The following KSR1 variants were observed in gnomAD, a reference collection of about 807,000 sequenced individuals.
The protein encoded by KSR1 is kinase suppressor of ras 1, also known as kinase suppressor of ras.
A neutral mutation model predicts 92.9 loss-of-function variants in KSR1; 35 were observed. That is an observed-to-expected ratio of 0.38 (90% confidence interval 0.29 to 0.50). The LOEUF (loss-of-function observed/expected upper bound fraction) is 0.50. Ranked by LOEUF, KSR1 falls within the 20% of genes least tolerant of loss-of-function variation. The pLI, the probability that KSR1 is intolerant of heterozygous loss-of-function variation, is 0.94. For synonymous variants in KSR1, 467 were observed against 472.6 expected (o/e 0.99, Z 0.15); for missense variants, 972 against 1,158.5 (o/e 0.84, Z 2.34).
rs1483684625 is a variant in KSR1, at chr17:27,609,302, G to C, written c.2198G>C (p.Gly733Ala). The change falls in exon 16 of 21, where the codon GGG becomes GCG. Residue 733 changes from glycine to alanine, a missense_variant. Gly to Ala is a moderately conservative substitution (Grantham distance 60, BLOSUM62 0). Transcript: ENST00000644974. ...GTCATCACAGACTTCGGGCTGTTTG[G>C]GATCTCAGGCGTGGTCCGAGAGGGA... The part of the protein sequence containing the change: ...KVVITDFGLF[G>A]ISGVVREGRR... 6.2e-7 allele frequency: 1 copy of C among 1,613,978 alleles called. No homozygotes were observed. The highest frequency in any genetic ancestry group is 8.5e-7 in the Non-Finnish European group (1 of 1,179,880).
chr17:27,621,713 C>T (rs950993656), intron 20 of KSR1, among the ~76,000 whole-genome samples: 1 of 152,130 alleles, frequency 6.6e-6, no homozygotes, highest in Non-Finnish European at 1.5e-5. Flanking sequence ...CTGTGCCCTG[C>T]GGGAGCTTAG....
At chr17:27,621,873 G>A (rs369460074) in intron 20 of KSR1, 24 of 1,595,808 alleles carry the variant, frequency 1.5e-5, no homozygotes, top group Non-Finnish European at 1.9e-5. Flanking sequence ...GACAGGCTCT[G>A]CATTGGGGCT....
chr17:27,552,269 C>A (rs948250088), intron 2 of KSR1, among the ~76,000 whole-genome samples: 2 of 152,224 alleles, frequency 1.3e-5, no homozygotes, highest in East Asian at 3.8e-4. Context: ...GATGCGAGCA[C>A]CATGAGACAC....
At chr17:27,576,092 C>T (rs1329533602) in intron 2 of KSR1, among the ~76,000 whole-genome samples, 2 of 152,212 alleles carry the variant, frequency 1.3e-5, no homozygotes, top group African/African-American at 4.8e-5. Flanking sequence ...GAGGCCACCC[C>T]CATTCCCCTC....
At chr17:27,604,803 G>T (rs981393189) in intron 13 of KSR1, 75 bp downstream of exon 13, 6 of 1,469,226 alleles carry the variant, frequency 4.1e-6, no homozygotes, top group Non-Finnish European at 4.8e-6. Flanking sequence ...TGCGCAGGGG[G>T]CTTGAGGGTG....
chr17:27,528,025 G>A (rs1000597200), intron 1 of KSR1, among the ~76,000 whole-genome samples: 1 of 152,134 alleles, frequency 6.6e-6, no homozygotes, highest in African/African-American at 2.4e-5. Flanking sequence ...GACCTAATTA[G>A]TGTATCGAGT....
At chr17:27,473,695 T>C (rs2020148904) in intron 1 of KSR1, among the ~76,000 whole-genome samples, 1 of 152,122 alleles carries the variant, frequency 6.6e-6, no homozygotes, top group Non-Finnish European at 1.5e-5. Context: ...TGGTGGTACA[T>C]TTTAGGAGAA....
chr17:27,576,783 G>A (rs1360374923), intron 2 of KSR1, among the ~76,000 whole-genome samples: 1 of 152,318 alleles, frequency 6.6e-6, no homozygotes. Flanking sequence ...TTAGGCTATG[G>A]TTGGCTGCTG....
At chr17:27,489,641 G>A (rs1475394473) in intron 1 of KSR1, among the ~76,000 whole-genome samples, 2 of 152,180 alleles carry the variant, frequency 1.3e-5, no homozygotes, top group African/African-American at 2.4e-5. Context: ...GGGCAGTAGA[G>A]TGAAAGTCAG....
At chr17:27,550,519 G>T (rs748745376) in intron 1 of KSR1, 49 bp from the exon 2 acceptor site, 10 of 758,424 alleles carry the variant, frequency 1.3e-5, no homozygotes, top group African/African-American at 1.2e-4. Flanking sequence ...CCTGCCATAT[G>T]GTTGGGCTGC....
chr17:27,511,459 G>T (rs1665645757), intron 1 of KSR1, among the ~76,000 whole-genome samples: 1 of 152,196 alleles, frequency 6.6e-6, no homozygotes, highest in South Asian at 2.1e-4. Flanking sequence ...GGGAGGGGGA[G>T]CATTGTTGGT....
intron 18 of KSR1, 144 bp downstream of exon 18, chr17:27,611,773 G>A: frequency 2.1e-6 from 2 of 931,098 alleles, no homozygotes; most frequent in Non-Finnish European, 3.2e-6. Flanking sequence ...AGATGAAAAT[G>A]ATATGCATTG....
intron 2 of KSR1, chr17:27,560,381 A>G: frequency 9.6e-6 from 5 of 518,518 alleles, no homozygotes; most frequent in Non-Finnish European, 1.9e-5. Context: ...CTGGGATTCC[A>G]GGGTGAAAGC....
chr17:27,461,813 T>C (rs1160011825), intron 1 of KSR1, among the ~76,000 whole-genome samples: 4 of 110,354 alleles, frequency 3.6e-5, no homozygotes, highest in Non-Finnish European at 8.6e-5. Context: ...TGGAGTGGTC[T>C]GGGCTGCCTC....
intron 2 of KSR1, among the ~76,000 whole-genome samples, chr17:27,571,861 G>A (rs529676327): frequency 2.0e-5 from 3 of 152,354 alleles, no homozygotes; most frequent in East Asian, 1.9e-4. Context: ...CTGGCCACAG[G>A]GAGTGTGGCG....
In KSR1 at chr17:27,583,046, C is replaced by G; in HGVS notation, c.921C>G (p.Thr307=). 1.9e-6 allele frequency: 3 copies of G among 1,607,280 alleles called. No individual in the cohort carries two copies. The highest frequency in any genetic ancestry group is 2.5e-6 in the Non-Finnish European group (3 of 1,177,010). ...TGCTGCCCAGCTTCCCCACACTCACCCGGAGCAAGTCCCATGAGTCTCAGC... is the reference window on the plus strand; with the variant it reads ...TGCTGCCCAGCTTCCCCACACTCACGCGGAGCAAGTCCCATGAGTCTCAGC... ...FQLLPSFPTL[T]RSKSHESQLG... The change falls in exon 4 of 21, where the codon ACC becomes ACG. Residue 307 remains threonine (T), a synonymous_variant. Coordinates refer to ENST00000644974, the MANE Select transcript of KSR1 (RefSeq NM_001394583.1).
At position 27,583,080 on chromosome 17, in the gene KSR1, C is replaced by T. The variant is rs1300063585; in HGVS notation, c.955C>T (p.Arg319Cys). ...GTCCCATGAGTCTCAGCTGGGGAAC[C>T]GCATTGATGACGTCTCCTCGATGAG... is the stretch of plus-strand genomic sequence containing the variant. ...SKSHESQLGN[R>C]IDDVSSMRFD... The change falls in exon 4 of 21, where the codon CGC (arginine) becomes TGC (cysteine). Residue 319 changes from arginine (R) to cysteine (C), a missense_variant. Around this residue, in one of 5 missense-constraint regions of KSR1, gnomAD observed 611 missense variants for 668.0 expected, o/e 0.91. Transcript: ENST00000644974. The T allele has an allele frequency of 6.3e-6, 10 of 1,580,702 alleles. No individual in the cohort carries two copies. Among genetic ancestry groups the T allele is most frequent in the Middle Eastern group, 3.4e-4 (2 of 5,888 alleles).
At chr17:27,598,420 G>C (rs1301682410) in intron 10 of KSR1, among the ~76,000 whole-genome samples, 2 of 152,220 alleles carry the variant, frequency 1.3e-5, no homozygotes, top group South Asian at 4.1e-4. Context: ...GCCAGCAGGA[G>C]GCCAGGGAGC....
intron 1 of KSR1, among the ~76,000 whole-genome samples, chr17:27,466,878 C>G (rs1258372639): frequency 6.6e-6 from 1 of 152,184 alleles, no homozygotes; most frequent in East Asian, 1.9e-4. Flanking sequence ...CTGGTTCCAC[C>G]CCGTTTCATT....
Sources: allele counts gnomAD v4.1 joint callset (sites outside exome capture counted in the v4.1 genomes callset), GRCh38; gene constraint gnomAD v4.1.1; regional missense constraint gnomAD v4.1.1; transcripts MANE v1.5; gene names NCBI Gene and HGNC (gene_info 2026-07-23, HGNC 2026-07-21).